RANBP17: variants seen among roughly 807,000 people sequenced by gnomAD.
RANBP17 encodes ran-binding protein 17.
In RANBP17, 158 loss-of-function variants were observed where a neutral mutation model predicts 141.2. The ratio of observed to expected loss-of-function variants is 1.12; its 90% CI spans 0.98 to 1.28. The LOEUF (loss-of-function observed/expected upper bound fraction) is 1.28. RANBP17 is among the 50% of genes most tolerant of loss of function. The pLI is 0.00. For missense variants in RANBP17, 1,438 were observed against 1,290.7 expected (o/e 1.11, Z -1.75); for synonymous variants, 430 against 450.0 (o/e 0.96, Z 0.56).
intron 14 of RANBP17, among the ~76,000 whole-genome samples, chr5:171,115,245 G>A (rs547264495): frequency 4.6e-5 from 7 of 152,170 alleles, no homozygotes; most frequent in African/African-American, 1.2e-4. Flanking sequence ...TTGATTCTAC[G>A]TGAATAAAAG....
chr5:170,934,503 GTGACAAAATCTCTCA>G (rs994735156), intron 12 of RANBP17, among the ~76,000 whole-genome samples: 2 of 152,130 alleles, frequency 1.3e-5, no homozygotes, highest in African/African-American at 4.8e-5. Flanking sequence ...AGGCCTGGTG[GTGACAAAATCTCTCA>G]GCTTTTGTTT....
chr5:171,103,977 C>T (rs1050266680), intron 14 of RANBP17, among the ~76,000 whole-genome samples: 10 of 152,164 alleles, frequency 6.6e-5, no homozygotes, highest in South Asian at 2.1e-4. Flanking sequence ...GTACCTCAGC[C>T]GGAAATGCAG....
At chr5:170,936,848 A>G (rs1391182309) in intron 12 of RANBP17, among the ~76,000 whole-genome samples, 1 of 152,086 alleles carries the variant, frequency 6.6e-6, no homozygotes, top group Admixed American at 6.5e-5. Context: ...TTATAATCTA[A>G]TTCCTTAAAT....
chr5:170,963,881 C>A (rs1173406684), intron 13 of RANBP17, among the ~76,000 whole-genome samples: 1 of 151,834 alleles, frequency 6.6e-6, no homozygotes, highest in Non-Finnish European at 1.5e-5. Flanking sequence ...AGGGGTCAAC[C>A]CTCTGATATA....
chr5:171,262,048 A>G (rs919784234), intron 24 of RANBP17, among the ~76,000 whole-genome samples: 3 of 152,188 alleles, frequency 2.0e-5, no homozygotes, highest in Admixed American at 2.0e-4. Flanking sequence ...CTTCGTGGCT[A>G]AAGTGTTTAC....
At chr5:171,216,742 A>G (rs1439603109) in intron 21 of RANBP17, among the ~76,000 whole-genome samples, 2 of 152,064 alleles carry the variant, frequency 1.3e-5, no homozygotes, top group African/African-American at 4.8e-5. Flanking sequence ...AATGCTTGTG[A>G]TTTTTGCACA....
At chr5:171,168,674 A>G (rs2127876617) in intron 14 of RANBP17, among the ~76,000 whole-genome samples, 1 of 152,248 alleles carries the variant, frequency 6.6e-6, no homozygotes, top group East Asian at 1.9e-4. Context: ...TCTTTCCCCC[A>G]AACATCTTAC....
At chr5:171,053,087 T>G (rs1328762099) in intron 14 of RANBP17, among the ~76,000 whole-genome samples, 1 of 152,208 alleles carries the variant, frequency 6.6e-6, no homozygotes, top group Non-Finnish European at 1.5e-5. Flanking sequence ...CCCAAAGTCC[T>G]GGGATTACAG....
At chr5:171,069,087 A>G (rs1318640002) in intron 14 of RANBP17, among the ~76,000 whole-genome samples, 1 of 152,206 alleles carries the variant, frequency 6.6e-6, no homozygotes, top group Non-Finnish European at 1.5e-5. Context: ...GCCTGGAACC[A>G]ATAAGTAAAG....
intron 25 of RANBP17, among the ~76,000 whole-genome samples, chr5:171,272,884 C>T (rs1205692896): frequency 6.6e-6 from 1 of 152,158 alleles, no homozygotes; most frequent in African/African-American, 2.4e-5. Context: ...GCTCCCACCA[C>T]CACCAAGACA....
At chr5:171,192,378 G>A (rs1467718302) in intron 18 of RANBP17, among the ~76,000 whole-genome samples, 3 of 152,290 alleles carry the variant, frequency 2.0e-5, no homozygotes, top group South Asian at 4.1e-4. Flanking sequence ...TGGTTTTGAG[G>A]CTAGACAGTC....
chr5:171,171,743 T>A (rs1760115690), intron 16 of RANBP17, among the ~76,000 whole-genome samples: 1 of 151,986 alleles, frequency 6.6e-6, no homozygotes, highest in Non-Finnish European at 1.5e-5. Flanking sequence ...GAAAAGAACA[T>A]CATTTTCATT....
At chr5:171,103,786 G>T (rs1787351574) in intron 14 of RANBP17, among the ~76,000 whole-genome samples, 1 of 152,210 alleles carries the variant, frequency 6.6e-6, no homozygotes, top group Non-Finnish European at 1.5e-5. Flanking sequence ...GAAAATCGTA[G>T]TATCTGGGCT....
chr5:170,996,129 T>G (rs1778801620), intron 14 of RANBP17, among the ~76,000 whole-genome samples: 1 of 152,126 alleles, frequency 6.6e-6, no homozygotes, highest in Non-Finnish European at 1.5e-5. Context: ...TAAGAAAAGC[T>G]CATGGAAAAA....
chr5:171,191,193 A>G (rs1196764560), intron 18 of RANBP17, among the ~76,000 whole-genome samples: 2 of 152,214 alleles, frequency 1.3e-5, no homozygotes, highest in East Asian at 3.8e-4. Context: ...GAATGACTTG[A>G]ATAACAAGGG....
At chr5:171,217,927 G>T (rs1473629683) in intron 21 of RANBP17, among the ~76,000 whole-genome samples, 1 of 152,028 alleles carries the variant, frequency 6.6e-6, no homozygotes, top group Non-Finnish European at 1.5e-5. Context: ...CTTGTCTTCA[G>T]CTAGCTTTTG....
chr5:170,953,699 G>C lies in RANBP17; in HGVS notation c.1571G>C (p.Cys524Ser). 1 of 1,578,762 alleles carries C rather than the reference G, an allele frequency of 6.3e-7. No homozygotes were observed. The change falls in exon 13 of 28, where the codon TGT becomes TCT. Residue 524 changes from cysteine to serine, a missense_variant. Physicochemically the swap from Cys to Ser is moderately radical, Grantham distance 112. Coordinates refer to ENST00000523189, the MANE Select transcript of RANBP17 (RefSeq NM_022897.5). ...GATGCTATGGATGGAGAATTATCCT[G>C]TCGGTAAGTAAGAGCTATGTAATTT... ...EHDAMDGELS[C>S]RVFQLISLMD...
At chr5:171,116,969 C>A (rs1194362939) in intron 14 of RANBP17, among the ~76,000 whole-genome samples, 1 of 152,166 alleles carries the variant, frequency 6.6e-6, no homozygotes, top group African/African-American at 2.4e-5. Flanking sequence ...GCAGTTGCAT[C>A]CATGATTCTG....
chr5:170,870,152 C>T (rs148146743), intron 1 of RANBP17, among the ~76,000 whole-genome samples: 2 of 152,108 alleles, frequency 1.3e-5, no homozygotes, highest in African/African-American at 4.8e-5. Flanking sequence ...GAAAAGACTT[C>T]TTAGGTTGAT....
Sources: gnomAD v4.1 joint callset for allele counts (sites outside exome capture counted in the v4.1 genomes callset) on GRCh38, gnomAD v4.1.1 for gene constraint, MANE v1.5 for transcripts, NCBI Gene and HGNC (gene_info 2026-07-23, HGNC 2026-07-21) for gene names.